ST3GAL3: variants seen among roughly 807,000 people sequenced by gnomAD.
ST3GAL3 encodes ST3 beta-galactoside alpha-2,3-sialyltransferase 3.
Under a neutral mutation model 50.1 loss-of-function variants are expected in ST3GAL3, and 21 were observed. The observed-to-expected ratio is 0.42, with a 90% CI of 0.30 to 0.60. ST3GAL3 has a LOEUF of 0.60. ST3GAL3 is among the 20% of genes least tolerant of loss of function. The probability of loss-of-function intolerance (pLI) is 0.19; values close to 1 mark genes in which losing one functional copy is unlikely to be tolerated. For synonymous variants in ST3GAL3, 183 were observed against 190.0 expected (o/e 0.96, Z 0.30); for missense variants, 353 against 489.4 (o/e 0.72, Z 2.63).
At chr1:43,903,156 C>T (rs2078579499) in intron 9 of ST3GAL3, among the ~76,000 whole-genome samples, 1 of 152,196 alleles carries the variant, frequency 6.6e-6, no homozygotes, top group South Asian at 2.1e-4. Flanking sequence ...TGGAGGTGTG[C>T]TGTGTGGATC....
Position 43,899,452 on chromosome 1 carries a change from ACTC to A in ST3GAL3, c.558-87_558-85del. 6.3e-7 allele frequency: 1 copy of A among 1,588,808 alleles called. No homozygotes were observed. Among genetic ancestry groups the A allele is most frequent in the Non-Finnish European group, 8.6e-7 (1 of 1,167,682 alleles). On this transcript the variant is annotated intron_variant, in intron 8 of 11. Coordinates refer to ENST00000347631, the MANE Select transcript of ST3GAL3 (RefSeq NM_006279.5). This position sits in a 1 kb window ranked among gnomAD's most constrained non-coding sequence, Gnocchi z 5.4. ...GGGAGAATAGGTCCAGGTGACCTGGACTCCCTATTCTCCATGCCTGGGATAGTC... is the reference window on the plus strand; with the variant it reads ...GGGAGAATAGGTCCAGGTGACCTGGACCTATTCTCCATGCCTGGGATAGTC...
intron 5 of ST3GAL3, among the ~76,000 whole-genome samples, chr1:43,874,343 G>A (rs1304522769): frequency 2.0e-5 from 3 of 152,202 alleles, no homozygotes; most frequent in Non-Finnish European, 4.4e-5. Context: ...AGAAATGGGA[G>A]GAGAGAGATT....
At chr1:43,909,296 C>T (rs1237734948) in intron 9 of ST3GAL3, among the ~76,000 whole-genome samples, 1 of 152,196 alleles carries the variant, frequency 6.6e-6, no homozygotes, top group Admixed American at 6.5e-5. Context: ...CTTTTAGGTT[C>T]AGACCCTTGC....
At chr1:43,743,486 A>T in intron 2 of ST3GAL3, 1 of 416,686 alleles carries the variant, frequency 2.4e-6, no homozygotes, top group Admixed American at 2.6e-5. Context: ...GATCATACTA[A>T]TTTGAAGGTG....
rs2078003128 is a variant in ST3GAL3, at chr1:43,899,882, G to A, written c.744+155G>A. On this transcript the variant is annotated intron_variant, in intron 9 of 11. Transcript: ENST00000347631. The surrounding 1 kb of genome is among the most constrained non-coding windows in gnomAD (Gnocchi z 5.4). ...GAAATCACCCAATGGCAACCAGGGGGCAAAGAGGTCAGGAGATTGCCCGGG... is the reference window on the plus strand; with the variant it reads ...GAAATCACCCAATGGCAACCAGGGGACAAAGAGGTCAGGAGATTGCCCGGG... 6.6e-6 allele frequency among the ~76,000 whole-genome samples: 1 copy of A among 152,148 alleles called. No individual in the cohort carries two copies. The highest frequency in any genetic ancestry group is 2.4e-5 in the African/African-American group (1 of 41,422).
At chr1:43,917,494 A>ATTACG (rs1273330080) in intron 9 of ST3GAL3, among the ~76,000 whole-genome samples, 2 of 54,206 alleles carry the variant, frequency 3.7e-5, no homozygotes, top group Admixed American at 4.0e-4. Flanking sequence ...TATATAATAT[A>ATTACG]TATAATATAT....
chr1:43,743,625 GC>G (rs995614759), intron 2 of ST3GAL3: 12 of 295,174 alleles, frequency 4.1e-5, no homozygotes, highest in African/African-American at 2.7e-4. Context: ...TTGACAGGTG[GC>G]CAATCCATGA....
chr1:43,851,169 G>C, intron 5 of ST3GAL3: 1 of 1,368,658 alleles, frequency 7.3e-7, no homozygotes, highest in Non-Finnish European at 1.0e-6. Context: ...TGGAAGAGGC[G>C]GGTGTTCTCC....
At chr1:43,785,706 A>T (rs560830831) in intron 2 of ST3GAL3, among the ~76,000 whole-genome samples, 2 of 152,146 alleles carry the variant, frequency 1.3e-5, no homozygotes, top group Admixed American at 1.3e-4. Context: ...AAGTCTCTAC[A>T]CTTCTTTGTC....
At chr1:43,837,365 C>T (rs1426394209) in intron 4 of ST3GAL3, among the ~76,000 whole-genome samples, 1 of 152,008 alleles carries the variant, frequency 6.6e-6, no homozygotes, top group Non-Finnish European at 1.5e-5. Flanking sequence ...GGAAACCATC[C>T]TCAACTAAAA....
intron 5 of ST3GAL3, among the ~76,000 whole-genome samples, chr1:43,847,837 A>G (rs903809416): frequency 6.6e-6 from 1 of 152,152 alleles, no homozygotes; most frequent in Non-Finnish European, 1.5e-5. Context: ...ATGAGAGGGA[A>G]AATTCTTTTA....
Position 43,925,161 on chromosome 1 carries a change from A to G in ST3GAL3, c.1038+4233A>G, listed in dbSNP as rs1454190436. 5.3e-5 allele frequency among the ~76,000 whole-genome samples: 8 copies of G among 152,158 alleles called. 1 individual carries two copies. In the South Asian group the frequency reaches 1.5e-3, roughly 28 times the overall value. ...AAAAATTAGCCAGGCGTGGTGGTGC[A>G]TGCCTGTAATCCCAGCTACTCCAGA... On this transcript the variant is annotated intron_variant, in intron 11 of 11. Transcript: ENST00000347631.
At chr1:43,911,556 T>C (rs1228691908) in intron 9 of ST3GAL3, among the ~76,000 whole-genome samples, 1 of 152,062 alleles carries the variant, frequency 6.6e-6, no homozygotes, top group African/African-American at 2.4e-5. Context: ...TATAGATATC[T>C]ATAGACATAT....
At chr1:43,807,489 C>T (rs1573280790) in intron 3 of ST3GAL3, among the ~76,000 whole-genome samples, 1 of 151,790 alleles carries the variant, frequency 6.6e-6, no homozygotes, top group East Asian at 1.9e-4. Flanking sequence ...CTTGGGGGAT[C>T]TTGTAGGTGA....
At chr1:43,905,376 C>T (rs1333490868) in intron 9 of ST3GAL3, among the ~76,000 whole-genome samples, 5 of 106,996 alleles carry the variant, frequency 4.7e-5, no homozygotes, top group African/African-American at 1.1e-4. Context: ...TTCCTCTTCC[C>T]ACCACTCTTC....
intron 4 of ST3GAL3, among the ~76,000 whole-genome samples, chr1:43,817,339 C>CCTTCTTCCTTCTTCTT (rs946779129): frequency 1.4e-4 from 22 of 151,778 alleles, no homozygotes; most frequent in Admixed American, 1.4e-3. Flanking sequence ...CTTCCTTCTT[C>CCTTCTTCCTTCTTCTT]CTTCTTCCTT....
chr1:43,805,425 G>T (rs955162168), intron 3 of ST3GAL3, among the ~76,000 whole-genome samples: 11 of 152,202 alleles, frequency 7.2e-5, no homozygotes, highest in African/African-American at 2.7e-4. Flanking sequence ...TTTCTAAAAG[G>T]ACAGAAACAA....
intron 5 of ST3GAL3, among the ~76,000 whole-genome samples, chr1:43,892,022 C>T (rs1445504757): frequency 1.3e-5 from 2 of 152,220 alleles, no homozygotes; most frequent in Admixed American, 1.3e-4. Flanking sequence ...CAGCTCACTG[C>T]AACCTCTACC....
chr1:43,758,110 C>A (rs990716087), intron 2 of ST3GAL3, among the ~76,000 whole-genome samples: 31 of 151,896 alleles, frequency 2.0e-4, no homozygotes, highest in African/African-American at 7.0e-4. Flanking sequence ...CGAATTAAAA[C>A]CACAATAAGA....
Sources: gnomAD v4.1 joint callset for allele counts (sites outside exome capture counted in the v4.1 genomes callset) on GRCh38, gnomAD v4.1.1 for gene constraint, Gnocchi (gnomAD v3.1) non-coding constraint, MANE v1.5 for transcripts, NCBI Gene and HGNC (gene_info 2026-07-23, HGNC 2026-07-21) for gene names.